The following UBE3D variants were observed in gnomAD, a reference collection of about 807,000 sequenced individuals.
The protein encoded by UBE3D is E3 ubiquitin-protein ligase E3D.
In UBE3D, 48 loss-of-function variants were observed where a neutral mutation model predicts 49.6. The observed-to-expected ratio is 0.97, with a 90% CI of 0.77 to 1.23. The LOEUF (loss-of-function observed/expected upper bound fraction) is 1.23. Ranked by LOEUF, UBE3D falls within the 50% of genes most tolerant of loss-of-function variation. The probability of loss-of-function intolerance (pLI) is 0.00; values close to 1 mark genes in which losing one functional copy is unlikely to be tolerated. For synonymous variants in UBE3D, 189 were observed against 174.2 expected, an observed-to-expected ratio of 1.08 and a Z score of -0.67; for missense variants, 452 against 468.4, an observed-to-expected ratio of 0.96 and a Z score of 0.32.
intron 9 of UBE3D, chr6:82,924,958 C>T (rs1268058401): frequency 6.6e-6 from 1 of 152,178 alleles, no homozygotes; most frequent in Non-Finnish European, 1.5e-5. Context: ...TTCTGAGTCA[C>T]AAATTCATTC....
chr6:82,928,448 T>C (rs1773915480), intron 9 of UBE3D, among the ~76,000 whole-genome samples: 3 of 152,170 alleles, frequency 2.0e-5, no homozygotes, highest in Admixed American at 6.5e-5. Context: ...TGTAATGAGC[T>C]CTACACTGCA....
At chr6:82,989,896 T>G (rs1229771038) in intron 8 of UBE3D, among the ~76,000 whole-genome samples, 4 of 152,220 alleles carry the variant, frequency 2.6e-5, no homozygotes, top group Admixed American at 6.5e-5. Context: ...AATGCAGGAT[T>G]TTTAGCCTTT....
intron 9 of UBE3D, among the ~76,000 whole-genome samples, chr6:82,918,431 G>A (rs1773089824): frequency 6.6e-6 from 1 of 152,106 alleles, no homozygotes; most frequent in Non-Finnish European, 1.5e-5. Context: ...TTTTACAAAT[G>A]AGAAAATGAT....
intron 9 of UBE3D, among the ~76,000 whole-genome samples, chr6:82,956,499 G>T (rs138542751): frequency 1.2e-3 from 189 of 152,312 alleles, no homozygotes; most frequent in African/African-American, 4.3e-3. Context: ...AAGGGCAGTA[G>T]GGAAGTGATA....
chr6:82,887,321 A>C, the UBE3D span, among the ~76,000 whole-genome samples: 1 of 79,516 alleles, frequency 1.3e-5, no homozygotes, highest in African/African-American at 5.5e-5. Context: ...AGACTGTCTC[A>C]AAAAAAAAAA....
rs551936497 is a variant in UBE3D, at chr6:82,952,857, C to T, written c.1149+4455G>A. Among the ~76,000 whole-genome samples, 28 of 152,288 alleles carry T rather than the reference C, an allele frequency of 1.8e-4. 2 individuals carry two copies. In the South Asian group the frequency reaches 5.8e-3, roughly 32 times the overall value. ...CTTAACATTCTTGGGTATGTGTTTC[C>T]TTATCTATAAAAATAAGATTATTAG... On this transcript the variant is annotated intron_variant, in intron 9 of 9. Transcript: ENST00000369747.
At chr6:82,961,999 T>TGA (rs1776592162) in intron 8 of UBE3D, among the ~76,000 whole-genome samples, 3 of 150,098 alleles carry the variant, frequency 2.0e-5, no homozygotes, top group Non-Finnish European at 4.4e-5. Flanking sequence ...TACGTGTGTG[T>TGA]GTGTGTGTGT....
At chr6:83,034,202 G>T (rs1782079199) in intron 5 of UBE3D, among the ~76,000 whole-genome samples, 1 of 152,008 alleles carries the variant, frequency 6.6e-6, no homozygotes, top group African/African-American at 2.4e-5. Context: ...TTTTAGAACA[G>T]ATGTGGATAT....
At chr6:82,893,882 T>C (rs534009207) in intron 9 of UBE3D, 44 of 152,324 alleles carry the variant, frequency 2.9e-4, no homozygotes, top group African/African-American at 9.4e-4. Context: ...ATTTAACTAT[T>C]CTGTTAAAAG....
intron 9 of UBE3D, among the ~76,000 whole-genome samples, chr6:82,908,637 T>C (rs897784351): frequency 2.1e-4 from 32 of 152,146 alleles, no homozygotes; most frequent in Non-Finnish European, 1.5e-5. Flanking sequence ...TTCAATCCTA[T>C]GAGTTCCACT....
intron 9 of UBE3D, among the ~76,000 whole-genome samples, chr6:82,925,287 C>T (rs1773664783): frequency 6.6e-6 from 1 of 152,146 alleles, no homozygotes; most frequent in Admixed American, 6.5e-5. Flanking sequence ...ATGAAGCCAT[C>T]TACTGAAACA....
At chr6:83,027,890 G>A (rs954093230) in intron 5 of UBE3D, among the ~76,000 whole-genome samples, 7 of 152,054 alleles carry the variant, frequency 4.6e-5, no homozygotes, top group African/African-American at 1.7e-4. Flanking sequence ...CTGGAAGTCT[G>A]ATTAAACATA....
chr6:82,948,335 A>T (rs760323569), intron 9 of UBE3D, among the ~76,000 whole-genome samples: 23 of 151,766 alleles, frequency 1.5e-4, no homozygotes, highest in Non-Finnish European at 2.5e-4. Flanking sequence ...CCATGAAAAA[A>T]CCCTGAACAG....
intron 9 of UBE3D, among the ~76,000 whole-genome samples, chr6:82,955,842 A>G (rs949776295): frequency 1.3e-5 from 2 of 152,086 alleles, no homozygotes; most frequent in Admixed American, 1.3e-4. Context: ...GGCCAATTCA[A>G]TCCATTGCTC....
At chr6:82,992,813 T>C (rs1002850012) in intron 8 of UBE3D, among the ~76,000 whole-genome samples, 1 of 152,124 alleles carries the variant, frequency 6.6e-6, no homozygotes, top group Non-Finnish European at 1.5e-5. Flanking sequence ...ACATATTTCA[T>C]ATTATAAACC....
At chr6:83,003,413 T>C (rs764977512) in intron 8 of UBE3D, among the ~76,000 whole-genome samples, 1 of 152,226 alleles carries the variant, frequency 6.6e-6, no homozygotes, top group Admixed American at 6.5e-5. Flanking sequence ...CTGACTTTTA[T>C]TATACGTCTT....
intron 9 of UBE3D, among the ~76,000 whole-genome samples, chr6:82,932,790 T>C (rs1392552678): frequency 2.6e-5 from 4 of 152,206 alleles, no homozygotes; most frequent in Non-Finnish European, 5.9e-5. Flanking sequence ...GTTTTTAGTT[T>C]GGGAGACTGA....
At chr6:82,972,932 T>A (rs955969704) in intron 8 of UBE3D, among the ~76,000 whole-genome samples, 13 of 152,182 alleles carry the variant, frequency 8.5e-5, no homozygotes, top group Non-Finnish European at 1.5e-5. Flanking sequence ...AAAACACATA[T>A]GTTTAACAGT....
At chr6:82,949,677 T>G (rs771891687) in intron 9 of UBE3D, among the ~76,000 whole-genome samples, 1 of 151,912 alleles carries the variant, frequency 6.6e-6, no homozygotes. Flanking sequence ...CACAGACCAA[T>G]GGAATATAAT....
Sources: gnomAD v4.1 joint callset for allele counts (sites outside exome capture counted in the v4.1 genomes callset) on GRCh38, gnomAD v4.1.1 for gene constraint, MANE v1.5 for transcripts, NCBI Gene and HGNC (gene_info 2026-07-23, HGNC 2026-07-21) for gene names.